SEMA6D: variants seen among roughly 807,000 people sequenced by gnomAD.
The protein encoded by SEMA6D is semaphorin-6D.
In SEMA6D, 35 loss-of-function variants were observed where a neutral mutation model predicts 106.6. The observed-to-expected ratio is 0.33, with a 90% CI of 0.25 to 0.44. SEMA6D has a LOEUF of 0.44. Among genes scored for constraint, SEMA6D ranks in the 20% least tolerant of loss-of-function variants. The probability of loss-of-function intolerance (pLI) is 1.00; values close to 1 mark genes in which losing one functional copy is unlikely to be tolerated. For missense variants in SEMA6D, 1,185 were observed against 1,345.9 expected, an observed-to-expected ratio of 0.88 and a Z score of 1.87; for synonymous variants, 499 against 487.7, an observed-to-expected ratio of 1.02 and a Z score of -0.31.
At chr15:47,293,934 T>G (rs2035696868) in intron 1 of SEMA6D, among the ~76,000 whole-genome samples, 2 of 152,274 alleles carry the variant, frequency 1.3e-5, no homozygotes, top group South Asian at 4.1e-4. Context: ...GTCCAAAAAA[T>G]TTTTTCAAGT....
intron 3 of SEMA6D, among the ~76,000 whole-genome samples, chr15:47,598,017 A>G (rs2076571815): frequency 1.3e-5 from 2 of 151,986 alleles, no homozygotes; most frequent in Admixed American, 6.6e-5. Context: ...TAAATGATGG[A>G]TGAAATAAAG....
At chr15:47,380,351 T>TC (rs1202574105) in intron 1 of SEMA6D, 4 of 152,262 alleles carry the variant, frequency 2.6e-5, no homozygotes, top group African/African-American at 9.6e-5. Flanking sequence ...CCAGGTTCAG[T>TC]CCCTTGGAAG....
chr15:47,249,073 C>G (rs1026889643), intron 1 of SEMA6D, among the ~76,000 whole-genome samples: 1 of 152,042 alleles, frequency 6.6e-6, no homozygotes, highest in South Asian at 2.1e-4. Flanking sequence ...ACTAAAAATA[C>G]AAACATTAGC....
chr15:47,202,683 T>C (rs1452273458), intron 1 of SEMA6D, among the ~76,000 whole-genome samples: 1 of 152,200 alleles, frequency 6.6e-6, no homozygotes, highest in South Asian at 2.1e-4. Flanking sequence ...CTTCCTTTCA[T>C]TCCTGTTCTA....
At chr15:47,438,603 C>T (rs549593890) in intron 2 of SEMA6D, among the ~76,000 whole-genome samples, 3 of 152,030 alleles carry the variant, frequency 2.0e-5, no homozygotes, top group East Asian at 3.9e-4. Flanking sequence ...GGCTTCTGCC[C>T]CAGGATCTTG....
At chr15:47,407,010 ACAAAAAACTGTCCTATT>A (rs2040596659) in intron 1 of SEMA6D, among the ~76,000 whole-genome samples, 1 of 152,240 alleles carries the variant, frequency 6.6e-6, no homozygotes, top group South Asian at 2.1e-4. Flanking sequence ...AAATTTAAAA[ACAAAAAACTGTCCTATT>A]CACTTTATGT....
At chr15:47,659,289 A>G (rs1018084306) in intron 4 of SEMA6D, among the ~76,000 whole-genome samples, 1 of 151,950 alleles carries the variant, frequency 6.6e-6, no homozygotes, top group Non-Finnish European at 1.5e-5. Flanking sequence ...CTGGTAATAG[A>G]TCCAAGTCTA....
intron 2 of SEMA6D, among the ~76,000 whole-genome samples, chr15:47,439,564 C>A (rs2041822873): frequency 1.3e-5 from 2 of 152,096 alleles, no homozygotes. Flanking sequence ...GCACAATATC[C>A]TCTGGGCCAT....
chr15:47,234,972 A>G (rs1169713736), intron 1 of SEMA6D, among the ~76,000 whole-genome samples: 20 of 152,100 alleles, frequency 1.3e-4, no homozygotes, highest in Admixed American at 1.2e-3. Context: ...CCAGCAGTGT[A>G]TAAGTGTTCC....
intron 3 of SEMA6D, among the ~76,000 whole-genome samples, chr15:47,532,030 C>G (rs907059809): frequency 1.2e-4 from 18 of 152,298 alleles, no homozygotes; most frequent in African/African-American, 4.3e-4. Context: ...TCCAGCCCCA[C>G]TCCCGGCAGT....
intron 3 of SEMA6D, among the ~76,000 whole-genome samples, chr15:47,506,904 T>A (rs1052126110): frequency 1.3e-5 from 2 of 152,140 alleles, no homozygotes; most frequent in African/African-American, 4.8e-5. Flanking sequence ...CATCCTCTAA[T>A]CCAAGCATAA....
At chr15:47,349,745 ACTGC>A (rs1427935034) in intron 1 of SEMA6D, among the ~76,000 whole-genome samples, 4 of 152,134 alleles carry the variant, frequency 2.6e-5, no homozygotes, top group Non-Finnish European at 5.9e-5. Flanking sequence ...GATTTTGGTA[ACTGC>A]CTGGAGTAAA....
At chr15:47,192,248 T>C (rs185926930) in intron 1 of SEMA6D, among the ~76,000 whole-genome samples, 1 of 152,154 alleles carries the variant, frequency 6.6e-6, no homozygotes, top group African/African-American at 2.4e-5. Context: ...GAAAGGAACT[T>C]CCATTGACAC....
At chr15:47,316,194 G>A (rs1275026867) in intron 1 of SEMA6D, among the ~76,000 whole-genome samples, 1 of 144,292 alleles carries the variant, frequency 6.9e-6, no homozygotes, top group Non-Finnish European at 1.5e-5. Context: ...CTGGGTTCAA[G>A]CAATTCTCCT....
intron 2 of SEMA6D, among the ~76,000 whole-genome samples, chr15:47,437,329 C>G (rs427802): frequency 0.017 from 2,518 of 152,086 alleles, 74 homozygotes; most frequent in African/African-American, 0.058. Context: ...TGTTTTTACT[C>G]CCATCACTAA....
chr15:47,525,485 T>G (rs1172246537), intron 3 of SEMA6D: 2 of 152,376 alleles, frequency 1.3e-5, no homozygotes, highest in East Asian at 3.9e-4. Flanking sequence ...AAGTCCTCCT[T>G]TTCCTTCTCT....
intron 1 of SEMA6D, among the ~76,000 whole-genome samples, chr15:47,193,879 A>G (rs2140982732): frequency 6.6e-6 from 1 of 152,224 alleles, no homozygotes; most frequent in East Asian, 1.9e-4. Context: ...TCTCTTTAAT[A>G]GACCTTATCT....
chr15:47,662,567 TG>T (rs1334038803), intron 4 of SEMA6D, among the ~76,000 whole-genome samples: 2 of 152,212 alleles, frequency 1.3e-5, no homozygotes, highest in Non-Finnish European at 2.9e-5. Flanking sequence ...GAGACCTAAA[TG>T]TGTCCAAATA....
intron 9 of SEMA6D, among the ~76,000 whole-genome samples, chr15:47,763,621 C>G (rs770518611): frequency 6.6e-5 from 10 of 152,194 alleles, no homozygotes; most frequent in Non-Finnish European, 1.2e-4. Context: ...AGATAGACAG[C>G]TCACTTCTTG....
Sources: allele counts gnomAD v4.1 joint callset (sites outside exome capture counted in the v4.1 genomes callset), GRCh38; gene constraint gnomAD v4.1.1; transcripts MANE v1.5; gene names NCBI Gene and HGNC (gene_info 2026-07-23, HGNC 2026-07-21).